Variants in CISD2 observed in about 807,000 individuals in gnomAD.
CISD2 encodes CDGSH iron-sulfur domain-containing protein 2.
A neutral mutation model predicts 12.9 loss-of-function variants in CISD2; 1 was observed. The ratio of observed to expected loss-of-function variants is 0.08; its 90% CI spans 0.03 to 0.37. CISD2 has a LOEUF of 0.37. Among genes scored for constraint, CISD2 ranks in the 10% least tolerant of loss-of-function variants. The pLI is 0.99. For synonymous variants in CISD2, 50 were observed against 60.6 expected, an observed-to-expected ratio of 0.83 and a Z score of 0.81; for missense variants, 97 against 163.1, an observed-to-expected ratio of 0.59 and a Z score of 2.21.
At chr4:102,873,477 G>A (rs1350527599) in intron 1 of CISD2, among the ~76,000 whole-genome samples, 1 of 151,988 alleles carries the variant, frequency 6.6e-6, no homozygotes, top group Non-Finnish European at 1.5e-5. Flanking sequence ...GTTTTGCCAT[G>A]TTGCCCAGGC....
chr4:102,881,635 GCTTT>G (rs974469908), intron 1 of CISD2, among the ~76,000 whole-genome samples: 10 of 152,154 alleles, frequency 6.6e-5, no homozygotes, highest in Non-Finnish European at 7.4e-5. Context: ...AAGCTGTATT[GCTTT>G]CATGTATAAA....
intron 1 of CISD2, among the ~76,000 whole-genome samples, chr4:102,872,866 C>T (rs546510583): frequency 6.6e-6 from 1 of 152,178 alleles, no homozygotes; most frequent in Admixed American, 6.5e-5. Flanking sequence ...CGTATTATTC[C>T]GTTTTCATAC....
chr4:102,883,704 T>C (rs1267346091), intron 1 of CISD2, among the ~76,000 whole-genome samples: 2 of 152,254 alleles, frequency 1.3e-5, no homozygotes, highest in African/African-American at 4.8e-5. Context: ...GTCTCCACTT[T>C]GGTTATGAGA....
rs776816073 is a variant in CISD2 at position 102,869,163 on chromosome 4, A to G, written c.79A>G (p.Ile27Val). ...YLKRLPVPES[I>V]TGFARLTVSE... is the part of the protein sequence containing the mutation. ...GAAGCGGCTCCCAGTCCCTGAAAGC[A>G]TTACCGGGTTCGCTAGGCTCACAGG... Residue 27 changes from isoleucine to valine, a missense_variant, in exon 1 of 3, where the codon ATT (isoleucine) becomes GTT (valine). Ile to Val is a conservative substitution (Grantham distance 29). Transcript: ENST00000273986. 1.2e-6 allele frequency: 2 copies of G among 1,611,610 alleles called. No homozygotes were observed. The highest frequency in any genetic ancestry group is 2.2e-5 in the East Asian group (1 of 44,820).
chr4:102,892,764 T>G lies in CISD2; in HGVS notation c.*5334T>G, dbSNP rs1734316072. On this transcript the variant is annotated 3_prime_UTR_variant, in exon 3 of 3. Transcript: ENST00000273986. The stretch of plus-strand genomic sequence containing the variant: ...GGGTAGTACATTTCATAATTAGAGA[T>G]AACCCTGTACTAGTGAGAAAATAAA... The G allele has an allele frequency of 1.3e-5, 2 of 152,194 alleles. No homozygotes were observed. Among genetic ancestry groups the G allele is most frequent in the Non-Finnish European group, 2.9e-5 (2 of 68,034 alleles). The allele number at this position is 152,194 out of a possible 1,614,324, so 9.4% of individuals were successfully genotyped here.
rs974799382 is a variant in CISD2 at position 102,869,240 on chromosome 4, G to A, written c.103+53G>A. On this transcript the variant is annotated intron_variant, in intron 1 of 2. Coordinates refer to ENST00000273986, the MANE Select transcript of CISD2 (RefSeq NM_001008388.5). ...ATCCTTGCACGTTCGCCAAGCGGGG[G>A]AAGGAGGCGTAAAAATCCTAGGGCC... The A allele has an allele frequency of 5.8e-6, 9 of 1,557,634 alleles. No homozygotes were observed. In the South Asian group the frequency reaches 5.9e-5, roughly 10 times the overall value.
At chr4:102,879,734 T>A (rs1414289815) in intron 1 of CISD2, among the ~76,000 whole-genome samples, 1 of 151,990 alleles carries the variant, frequency 6.6e-6, no homozygotes, top group Non-Finnish European at 1.5e-5. Flanking sequence ...ATCATGCCAC[T>A]GCACTCCAGC....
At chr4:102,874,722 C>A (rs1302102413) in intron 1 of CISD2, 1 of 152,212 alleles carries the variant, frequency 6.6e-6, no homozygotes, top group Non-Finnish European at 1.5e-5. Context: ...AACGAAAATG[C>A]AAGCACGAAC....
At chr4:102,885,681 T>C (rs773752050) in intron 2 of CISD2, among the ~76,000 whole-genome samples, 21 of 152,236 alleles carry the variant, frequency 1.4e-4, no homozygotes, top group Non-Finnish European at 2.9e-4. Flanking sequence ...GTAACATGTA[T>C]TTTAAAATAC....
Position 102,888,804 on chromosome 4 carries a change from A to G in CISD2, c.*1374A>G, listed in dbSNP as rs1318362933. Reference sequence around the variant, plus strand: ...CTCTGTAGGGAATCCTTTCTGTTGTAAAAGAGTTACCATTTAACTCCCTTC... The same window carrying G: ...CTCTGTAGGGAATCCTTTCTGTTGTGAAAGAGTTACCATTTAACTCCCTTC... On this transcript the variant is annotated 3_prime_UTR_variant, in exon 3 of 3. Coordinates refer to ENST00000273986, the MANE Select transcript of CISD2 (RefSeq NM_001008388.5). 1 of 152,222 alleles carries G rather than the reference A, an allele frequency of 6.6e-6. No individual in the cohort carries two copies. The highest frequency in any genetic ancestry group is 1.5e-5 in the Non-Finnish European group (1 of 68,046). 9.4% of individuals were successfully genotyped at this position (152,222 alleles called of 1,614,324 possible). A position where few individuals can be genotyped will look rare whatever the true frequency, so the allele number is the denominator to read the frequency against.
chr4:102,878,532 C>T (rs890745382), intron 1 of CISD2, among the ~76,000 whole-genome samples: 4 of 152,198 alleles, frequency 2.6e-5, no homozygotes, highest in African/African-American at 7.2e-5. Flanking sequence ...ATCTCTCTCT[C>T]AAGTTTCATC....
At chr4:102,879,197 A>T (rs1733657553) in intron 1 of CISD2, among the ~76,000 whole-genome samples, 1 of 152,150 alleles carries the variant, frequency 6.6e-6, no homozygotes. Flanking sequence ...ATTTGAGATG[A>T]GATTTGGATG....
chr4:102,883,940 A>G (rs1271977748), intron 1 of CISD2, among the ~76,000 whole-genome samples: 1 of 152,230 alleles, frequency 6.6e-6, no homozygotes, highest in African/African-American at 2.4e-5. Flanking sequence ...TATAGGTGCT[A>G]TCTATGAAAA....
At chr4:102,879,239 CTTAATAA>C (rs1385052973) in intron 1 of CISD2, among the ~76,000 whole-genome samples, 8 of 151,762 alleles carry the variant, frequency 5.3e-5, no homozygotes, top group African/African-American at 1.7e-4. Context: ...TTAGTAGATA[CTTAATAA>C]TTATATAGTA....
chr4:102,872,941 T>C (rs1733495885), intron 1 of CISD2, among the ~76,000 whole-genome samples: 1 of 152,220 alleles, frequency 6.6e-6, no homozygotes, highest in Admixed American at 6.5e-5. Context: ...CACTCACAGT[T>C]CAGCATGGCT....
At chr4:102,886,201 C>T (rs1260834456) in intron 2 of CISD2, among the ~76,000 whole-genome samples, 1 of 152,056 alleles carries the variant, frequency 6.6e-6, no homozygotes, top group African/African-American at 2.4e-5. Flanking sequence ...AAAACGAATA[C>T]ACGCAGGCCA....
intron 1 of CISD2, among the ~76,000 whole-genome samples, chr4:102,884,349 G>A (rs1425343770): frequency 6.6e-6 from 1 of 152,140 alleles, no homozygotes; most frequent in Non-Finnish European, 1.5e-5. Flanking sequence ...ATTATTTTCT[G>A]TTTTTCTCTT....
chr4:102,869,244 GAGGCGTAAAAATCCT>G (rs2110389363), intron 1 of CISD2, 57 bp downstream of exon 1: 1 of 1,555,316 alleles, frequency 6.4e-7, no homozygotes, highest in South Asian at 1.2e-5. Context: ...GCGGGGGAAG[GAGGCGTAAAAATCCT>G]AGGGCCAAGG....
Position 102,869,060 on chromosome 4 carries a change from AGAG to A in CISD2, c.-21_-19del. ...TTGGCCAGAGCGGAGGGGGCTCGGGAGAGGAGTGGACGCCGCTGGCCAGGATGG... is the reference window on the plus strand; with the variant it reads ...TTGGCCAGAGCGGAGGGGGCTCGGGAGAGTGGACGCCGCTGGCCAGGATGG... On this transcript the variant is annotated 5_prime_UTR_variant, in exon 1 of 3. Coordinates refer to ENST00000273986, the MANE Select transcript of CISD2 (RefSeq NM_001008388.5). The A allele has an allele frequency of 1.3e-6, 2 of 1,595,310 alleles. No homozygotes were observed. The highest frequency in any genetic ancestry group is 1.7e-6 in the Non-Finnish European group (2 of 1,171,876).
Sources: allele counts gnomAD v4.1 joint callset (sites outside exome capture counted in the v4.1 genomes callset), GRCh38; gene constraint gnomAD v4.1.1; transcripts MANE v1.5; gene names NCBI Gene and HGNC (gene_info 2026-07-23, HGNC 2026-07-21).